Variants in FANCD2OS observed in about 807,000 individuals in gnomAD.
The protein encoded by FANCD2OS is FANCD2 opposite strand, also known as FANCD2 opposite strand protein.
FANCD2OS carries 11 observed loss-of-function variants against 13.2 expected under a neutral mutation model. The observed-to-expected ratio is 0.83, with a 90% CI of 0.52 to 1.38. The LOEUF (loss-of-function observed/expected upper bound fraction) is 1.38, where lower values mean the gene tolerates loss of function less well. Among genes scored for constraint, FANCD2OS ranks in the 40% most tolerant of loss-of-function variants. The pLI, the probability that FANCD2OS is intolerant of heterozygous loss-of-function variation, is 0.00. For synonymous variants in FANCD2OS, 69 were observed against 84.5 expected, an observed-to-expected ratio of 0.82 and a Z score of 1.01; for missense variants, 217 against 213.9, an observed-to-expected ratio of 1.01 and a Z score of -0.09.
At chr3:10,091,513 T>C (rs1293897212) in intron 2 of FANCD2OS, among the ~76,000 whole-genome samples, 1 of 151,878 alleles carries the variant, frequency 6.6e-6, no homozygotes, top group Non-Finnish European at 1.5e-5. Context: ...GGCTGTAGCT[T>C]CTCTGCTTCC....
At position 10,094,994 on chromosome 3, in the gene FANCD2OS, G is replaced by A. The variant is rs1694867332; in HGVS notation, c.*43+9204C>T. 13 of 593,080 alleles carry A rather than the reference G, an allele frequency of 2.2e-5. No homozygotes were observed. The South Asian group carries it at 2.5e-4, about 12-fold the overall frequency. 36.7% of individuals were successfully genotyped at this position (593,080 alleles called of 1,614,324 possible). On this transcript the variant is annotated intron_variant, in intron 2 of 2. Transcript: ENST00000524279. ...TAAAATGCAGGTCTTATAACTCTCA[G>A]ATTGATACAAGGGACAGAAATGGGA... is the stretch of plus-strand genomic sequence containing the variant.
At chr3:10,087,527 C>CAA (rs112934348) in intron 2 of FANCD2OS, among the ~76,000 whole-genome samples, 6 of 140,024 alleles carry the variant, frequency 4.3e-5, no homozygotes, top group Admixed American at 7.2e-5. Context: ...TCTTCCTTTT[C>CAA]AAAAAAAAAA....
downstream of FANCD2OS, among the ~76,000 whole-genome samples, chr3:10,102,543 A>C (rs1373669255): frequency 6.6e-6 from 1 of 152,092 alleles, no homozygotes; most frequent in Non-Finnish European, 1.5e-5. Flanking sequence ...CCAAAAAAAA[A>C]GCTGGGCGCG....
chr3:10,089,142 G>A (rs1304508655), intron 2 of FANCD2OS, among the ~76,000 whole-genome samples: 1 of 151,980 alleles, frequency 6.6e-6, no homozygotes, highest in Admixed American at 6.6e-5. Context: ...AAAATTAGCC[G>A]GGCGTGGTGG....
intron 2 of FANCD2OS, chr3:10,094,993 A>C (rs563707444): frequency 1.5e-4 from 86 of 589,774 alleles, no homozygotes; most frequent in Non-Finnish European, 7.6e-5. Flanking sequence ...TATAACTCTC[A>C]GATTGATACA....
chr3:10,085,558 A>C (rs1254678795), intron 2 of FANCD2OS, among the ~76,000 whole-genome samples: 1 of 151,570 alleles, frequency 6.6e-6, no homozygotes, highest in Non-Finnish European at 1.5e-5. Flanking sequence ...CACCCAGCTA[A>C]TTTTTGTATT....
chr3:10,083,543 C>A (rs990846839), intron 2 of FANCD2OS: 1 of 152,114 alleles, frequency 6.6e-6, no homozygotes, highest in Non-Finnish European at 1.5e-5. Context: ...CATGCACCTA[C>A]CATGTGACTC....
chr3:10,102,593 G>GCACT (rs1695346890), downstream of FANCD2OS, among the ~76,000 whole-genome samples: 1 of 151,996 alleles, frequency 6.6e-6, no homozygotes, highest in East Asian at 1.9e-4. Flanking sequence ...GGGAGGCTGA[G>GCACT]GTGGGTGGAT....
Position 10,104,755 on chromosome 3 carries a change from C to T in FANCD2OS, c.20G>A (p.Trp7Ter). 1 of 1,592,284 alleles carries T rather than the reference C, an allele frequency of 6.3e-7. No homozygotes were observed. Among genetic ancestry groups the T allele is most frequent in the Non-Finnish European group, 8.6e-7 (1 of 1,168,186 alleles). The change falls in exon 2 of 2, where the codon TGG becomes TAG. Residue 7 changes from tryptophan (W) to a stop codon, truncating the protein, a stop_gained. Transcript: ENST00000450660. LOFTEE classifies it high-confidence loss of function. MAGYQL[W>*]SPWTPLDESF... Reference sequence around the variant, plus strand: ...CTCATCCAGTGGGGTCCATGGTGACCAGAGCTGGTATCCTGCCATTGACAG... The same window carrying T: ...CTCATCCAGTGGGGTCCATGGTGACTAGAGCTGGTATCCTGCCATTGACAG...
chr3:10,087,098 C>T (rs751819584), intron 2 of FANCD2OS: 4 of 1,611,866 alleles, frequency 2.5e-6, no homozygotes, highest in Admixed American at 3.3e-5. Flanking sequence ...ACATAGGATA[C>T]TATTGCATTT....
chr3:10,082,140 C>T (rs1693879387), intron 2 of FANCD2OS, among the ~76,000 whole-genome samples: 1 of 152,230 alleles, frequency 6.6e-6, no homozygotes, highest in Non-Finnish European at 1.5e-5. Context: ...CCCTAGCATG[C>T]TCCTTCAGCT....
At chr3:10,091,145 A>G (rs1351215961) in intron 2 of FANCD2OS, among the ~76,000 whole-genome samples, 2 of 148,984 alleles carry the variant, frequency 1.3e-5, no homozygotes, top group African/African-American at 4.9e-5. Flanking sequence ...TAGTGGTGCA[A>G]ACTTGGCTCA....
At chr3:10,096,599 A>G (rs1334127568) in intron 2 of FANCD2OS, 11 of 856,466 alleles carry the variant, frequency 1.3e-5, no homozygotes, top group Admixed American at 3.9e-5. Context: ...TAAGTCTGTG[A>G]CTGTTTAACT....
chr3:10,101,714 ACTTG>A, downstream of FANCD2OS: 1 of 260,288 alleles, frequency 3.8e-6, no homozygotes. Context: ...GTCTTTATTA[ACTTG>A]TGGACATCAT....
intron 1 of FANCD2OS, among the ~76,000 whole-genome samples, chr3:10,105,475 A>G (rs1695443247): frequency 6.6e-6 from 1 of 151,890 alleles, no homozygotes. Flanking sequence ...TTGTGGCTGG[A>G]CACAGTGGCT....
downstream of FANCD2OS, chr3:10,099,093 A>G (rs905105818): frequency 9.8e-6 from 15 of 1,531,368 alleles, no homozygotes; most frequent in Non-Finnish European, 1.1e-5. Context: ...CCATGAATTC[A>G]TATCTGAAAC....
downstream of FANCD2OS, among the ~76,000 whole-genome samples, chr3:10,100,839 G>A (rs1317414249): frequency 6.6e-6 from 1 of 152,166 alleles, no homozygotes; most frequent in Non-Finnish European, 1.5e-5. Flanking sequence ...GGAGGCTGAG[G>A]CAGGCAGATC....
intron 2 of FANCD2OS, chr3:10,095,009 C>T: frequency 1.6e-6 from 1 of 619,594 alleles, no homozygotes; most frequent in Non-Finnish European, 2.9e-6. Flanking sequence ...ATACAAGGGA[C>T]AGAAATGGGA....
At chr3:10,090,803 G>A (rs999435524) in intron 2 of FANCD2OS, among the ~76,000 whole-genome samples, 3 of 152,062 alleles carry the variant, frequency 2.0e-5, no homozygotes, top group Non-Finnish European at 4.4e-5. Flanking sequence ...TTTCTCCTAA[G>A]CTGTTTTTTG....
Sources: allele counts gnomAD v4.1 joint callset (sites outside exome capture counted in the v4.1 genomes callset), GRCh38; gene constraint gnomAD v4.1.1; transcripts MANE v1.5; gene names NCBI Gene and HGNC (gene_info 2026-07-23, HGNC 2026-07-21).